The following CADM1 variants were observed in gnomAD, a reference collection of about 807,000 sequenced individuals.
The protein encoded by CADM1 is cell adhesion molecule 1.
In CADM1, 15 loss-of-function variants were observed where a neutral mutation model predicts 53.1. The ratio of observed to expected loss-of-function variants is 0.28; its 90% CI spans 0.19 to 0.44. The LOEUF is 0.44. Among genes scored for constraint, CADM1 ranks in the 20% least tolerant of loss-of-function variants. CADM1 has a pLI of 1.00. For synonymous variants in CADM1, 281 were observed against 243.0 expected, an observed-to-expected ratio of 1.16 and a Z score of -1.45; for missense variants, 434 against 611.3, an observed-to-expected ratio of 0.71 and a Z score of 3.06.
At chr11:115,442,246 A>G (rs1193358098) in intron 1 of CADM1, among the ~76,000 whole-genome samples, 1 of 151,978 alleles carries the variant, frequency 6.6e-6, no homozygotes, top group Non-Finnish European at 1.5e-5. Flanking sequence ...AATAAATACA[A>G]TCATAATATA....
At chr11:115,400,874 G>A (rs1231323584) in intron 1 of CADM1, among the ~76,000 whole-genome samples, 1 of 151,428 alleles carries the variant, frequency 6.6e-6, no homozygotes, top group East Asian at 1.9e-4. Context: ...GGAGCAGTAG[G>A]AATGCTCAGT....
At chr11:115,214,552 A>G (rs1321346151) in intron 7 of CADM1, 56 bp downstream of exon 7, 1 of 1,494,242 alleles carries the variant, frequency 6.7e-7, no homozygotes, top group Admixed American at 1.7e-5. Flanking sequence ...GTAAATCACA[A>G]GTAGCAGCTC....
chr11:115,269,622 G>T (rs1450294668), intron 1 of CADM1, among the ~76,000 whole-genome samples: 5 of 152,188 alleles, frequency 3.3e-5, no homozygotes, highest in Non-Finnish European at 7.3e-5. Context: ...GCACCAAGGG[G>T]AGTAGAGGAC....
At chr11:115,427,217 G>C (rs1217912517) in intron 1 of CADM1, among the ~76,000 whole-genome samples, 1 of 152,192 alleles carries the variant, frequency 6.6e-6, no homozygotes. Context: ...ACACGCAGAA[G>C]AATCTTCACT....
At position 115,244,122 on chromosome 11, in the gene CADM1, T is replaced by C. The variant is rs181399754; in HGVS notation, c.125-3702A>G. The stretch of plus-strand genomic sequence containing the variant: ...ATGGCACTGGAGAGTCCCATTCGCT[T>C]ACAATCAAGCTTCCTGTAGTAAACT... On this transcript the variant is annotated intron_variant, in intron 1 of 11. Coordinates refer to ENST00000331581, the MANE Select transcript of CADM1 (RefSeq NM_001301043.2). 8.7e-4 allele frequency among the ~76,000 whole-genome samples: 132 copies of C among 152,346 alleles called. 1 individual carries two copies. Among genetic ancestry groups the C allele is most frequent in the African/African-American group, 3.0e-3 (125 of 41,586 alleles).
chr11:115,319,899 A>G (rs1371011731), intron 1 of CADM1, among the ~76,000 whole-genome samples: 2 of 152,222 alleles, frequency 1.3e-5, no homozygotes, highest in Non-Finnish European at 2.9e-5. Context: ...TAACAACCCT[A>G]AAATTATCAA....
At chr11:115,202,034 ACTTCT>A (rs1464033227) in intron 8 of CADM1, among the ~76,000 whole-genome samples, 3 of 152,152 alleles carry the variant, frequency 2.0e-5, no homozygotes, top group African/African-American at 4.8e-5. Context: ...CTCAAAATTG[ACTTCT>A]CTTCTTAGTC....
intron 1 of CADM1, among the ~76,000 whole-genome samples, chr11:115,350,134 G>C (rs1261519121): frequency 6.6e-6 from 1 of 152,098 alleles, no homozygotes; most frequent in African/African-American, 2.4e-5. Flanking sequence ...ACCATGACTG[G>C]CTAACTTTGT....
intron 1 of CADM1, among the ~76,000 whole-genome samples, chr11:115,277,264 C>T (rs1161034680): frequency 4.6e-5 from 7 of 152,130 alleles, no homozygotes; most frequent in African/African-American, 1.4e-4. Context: ...AATGTTGTTA[C>T]GGAGACTCGA....
intron 1 of CADM1, among the ~76,000 whole-genome samples, chr11:115,498,801 A>C (rs1031471737): frequency 2.3e-4 from 35 of 152,208 alleles, no homozygotes; most frequent in African/African-American, 8.4e-4. Context: ...TAATACTGTG[A>C]TAAGGAGTGG....
chr11:115,229,293 A>G (rs781584428), intron 4 of CADM1, 22 bp from the exon 5 acceptor site: 1 of 1,613,572 alleles, frequency 6.2e-7, no homozygotes, highest in Non-Finnish European at 8.5e-7. Context: ...AAAATGTACC[A>G]AGACACCAGA....
At chr11:115,431,456 GC>G (rs1948048625) in intron 1 of CADM1, among the ~76,000 whole-genome samples, 1 of 152,036 alleles carries the variant, frequency 6.6e-6, no homozygotes, top group African/African-American at 2.4e-5. Flanking sequence ...AGCCACTCAA[GC>G]CCCTCTACAA....
intron 1 of CADM1, among the ~76,000 whole-genome samples, chr11:115,326,645 T>C (rs2135201382): frequency 6.6e-6 from 1 of 152,332 alleles, no homozygotes; most frequent in Non-Finnish European, 1.5e-5. Context: ...GTCCTCTTCC[T>C]AGCTCTGTTT....
chr11:115,176,954 C>T (rs944994067), intron 11 of CADM1, among the ~76,000 whole-genome samples: 3 of 152,174 alleles, frequency 2.0e-5, no homozygotes, highest in Admixed American at 1.3e-4. Flanking sequence ...CAGATATGTG[C>T]ACGTACATTG....
chr11:115,303,521 T>C lies in CADM1; in HGVS notation c.125-63101A>G, dbSNP rs12292171. On this transcript the variant is annotated intron_variant, in intron 1 of 11. Coordinates refer to ENST00000331581, the MANE Select transcript of CADM1 (RefSeq NM_001301043.2). ...GTATCTGATAGTTTTATAGTGTTTG[T>C]TCACATACTCACTAATTTGCAAGAT... is the stretch of plus-strand genomic sequence containing the variant. 2.6e-3 allele frequency among the ~76,000 whole-genome samples: 397 copies of C among 152,216 alleles called. 6 individuals carry two copies. Among genetic ancestry groups the C allele is most frequent in the African/African-American group, 9.1e-3 (378 of 41,560 alleles).
At chr11:115,414,482 C>T (rs1451592364) in intron 1 of CADM1, among the ~76,000 whole-genome samples, 1 of 151,956 alleles carries the variant, frequency 6.6e-6, no homozygotes, top group Non-Finnish European at 1.5e-5. Flanking sequence ...AGAAAACAGA[C>T]TGCAATATAG....
chr11:115,188,267 C>T (rs1406000226), intron 10 of CADM1, among the ~76,000 whole-genome samples: 1 of 152,126 alleles, frequency 6.6e-6, no homozygotes, highest in Non-Finnish European at 1.5e-5. Flanking sequence ...CAAAACAATT[C>T]AAAACTCTTA....
intron 10 of CADM1, 74 bp from the exon 11 acceptor site, chr11:115,178,849 C>T (rs1215147968): frequency 1.3e-6 from 2 of 1,539,596 alleles, no homozygotes; most frequent in East Asian, 4.5e-5. Context: ...ACACTGTCTC[C>T]AGGGTCAGAG....
chr11:115,192,805 T>C (rs868493963), intron 9 of CADM1, among the ~76,000 whole-genome samples: 3 of 152,224 alleles, frequency 2.0e-5, no homozygotes, highest in Non-Finnish European at 1.5e-5. Context: ...AAGGTTTCCA[T>C]TAAAAGCAAC....
Sources: gnomAD v4.1 joint callset for allele counts (sites outside exome capture counted in the v4.1 genomes callset) on GRCh38, gnomAD v4.1.1 for gene constraint, MANE v1.5 for transcripts, NCBI Gene and HGNC (gene_info 2026-07-23, HGNC 2026-07-21) for gene names.